The following CNTLN variants were observed in gnomAD, a reference collection of about 807,000 sequenced individuals.
CNTLN encodes centlein, also known as centlein, centrosomal protein.
In CNTLN, 212 loss-of-function variants were observed where a neutral mutation model predicts 180.0. The observed-to-expected ratio is 1.18, with a 90% confidence interval of 1.05 to 1.32. The LOEUF (loss-of-function observed/expected upper bound fraction) is 1.32. Among genes scored for constraint, CNTLN ranks in the 40% most tolerant of loss-of-function variants. The pLI is 0.00. For synonymous variants in CNTLN, 722 were observed against 563.1 expected (o/e 1.28, Z -3.99); for missense variants, 2,095 against 1,610.9 (o/e 1.30, Z -5.14).
intron 2 of CNTLN, among the ~76,000 whole-genome samples, chr9:17,216,765 G>A (rs983821446): frequency 6.6e-6 from 1 of 152,160 alleles, no homozygotes; most frequent in African/African-American, 2.4e-5. Flanking sequence ...TTACACAGCT[G>A]CTATATGGTT....
chr9:17,323,147 T>C (rs1820030978), intron 8 of CNTLN, among the ~76,000 whole-genome samples: 1 of 152,178 alleles, frequency 6.6e-6, no homozygotes, highest in South Asian at 2.1e-4. Context: ...GGATTTGCTT[T>C]TTTTTCATAT....
At chr9:17,398,706 G>C (rs977381559) in intron 15 of CNTLN, among the ~76,000 whole-genome samples, 1 of 151,928 alleles carries the variant, frequency 6.6e-6, no homozygotes. Flanking sequence ...GTTTATCATT[G>C]GTTTCTTTAA....
At chr9:17,300,912 T>G (rs963964086) in intron 7 of CNTLN, 1 of 922,918 alleles carries the variant, frequency 1.1e-6, no homozygotes, top group Non-Finnish European at 1.3e-6. Context: ...GTTATCTGCA[T>G]AGATACCATT....
chr9:17,341,021 A>C, intron 11 of CNTLN, 73 bp downstream of exon 11: 1 of 1,336,992 alleles, frequency 7.5e-7, no homozygotes, highest in Non-Finnish European at 9.8e-7. Flanking sequence ...TAGGTGTCTT[A>C]ATGGCTTTTG....
intron 3 of CNTLN, among the ~76,000 whole-genome samples, chr9:17,228,005 A>C (rs1824580935): frequency 6.6e-6 from 1 of 152,056 alleles, no homozygotes; most frequent in Non-Finnish European, 1.5e-5. Context: ...TTGTATTTAC[A>C]TTTTACTGGA....
intron 12 of CNTLN, among the ~76,000 whole-genome samples, chr9:17,366,203 G>A (rs1316690020): frequency 6.6e-6 from 1 of 152,090 alleles, no homozygotes; most frequent in East Asian, 1.9e-4. Context: ...ATAGCTTACT[G>A]TAACCTTGAA....
At chr9:17,503,981 A>T (rs2754339), downstream of CNTLN, 140,094 of 152,664 alleles carry the variant, frequency 0.92, 65,062 homozygotes, top group Non-Finnish European at 0.98. Context: ...ATGAGTGTAG[A>T]TGAATAGTAG....
At chr9:17,516,894 C>T in the CNTLN span, among the ~76,000 whole-genome samples, 1 of 152,216 alleles carries the variant, frequency 6.6e-6, no homozygotes, top group East Asian at 1.9e-4. Context: ...TATAACAGTG[C>T]CTGACACATA....
At chr9:17,493,485 C>A (rs1320151862) in intron 25 of CNTLN, among the ~76,000 whole-genome samples, 1 of 152,090 alleles carries the variant, frequency 6.6e-6, no homozygotes, top group Non-Finnish European at 1.5e-5. Flanking sequence ...AACAAAAAGT[C>A]AGTAAATTGT....
intron 18 of CNTLN, among the ~76,000 whole-genome samples, chr9:17,445,604 G>A (rs569691881): frequency 3.7e-4 from 56 of 152,268 alleles, no homozygotes; most frequent in African/African-American, 1.3e-3. Flanking sequence ...CATGCTCCTT[G>A]AGAGTCATCA....
rs758368598 is a variant in CNTLN, at chr9:17,416,179, A to G, written c.3104A>G (p.Gln1035Arg). 1.1e-5 allele frequency: 17 copies of G among 1,612,452 alleles called. No individual in the cohort carries two copies. The highest frequency in any genetic ancestry group is 1.3e-5 in the African/African-American group (1 of 74,934). ...VSDQRFQTSR[Q>R]TIKKLNLDLA... ...GATCAACGATTTCAGACAAGCAGGCAGACAATAAAGGTAAAGAGAACTTTA... is the reference window on the plus strand; with the variant it reads ...GATCAACGATTTCAGACAAGCAGGCGGACAATAAAGGTAAAGAGAACTTTA... The change falls in exon 18 of 26, where the codon CAG becomes CGG. Residue 1035 changes from glutamine (Q) to arginine (R), a missense_variant. Physicochemically the swap from Gln to Arg is conservative, Grantham distance 43. Coordinates refer to ENST00000380647, the MANE Select transcript of CNTLN (RefSeq NM_017738.4).
At chr9:17,386,665 C>T (rs1194759326) in intron 13 of CNTLN, among the ~76,000 whole-genome samples, 1 of 152,296 alleles carries the variant, frequency 6.6e-6, no homozygotes, top group East Asian at 1.9e-4. Flanking sequence ...TACAGGTGAA[C>T]ATGGTTAGCC....
At chr9:17,419,050 T>A (rs1828490869) in intron 18 of CNTLN, among the ~76,000 whole-genome samples, 1 of 152,114 alleles carries the variant, frequency 6.6e-6, no homozygotes, top group South Asian at 2.1e-4. Flanking sequence ...GGAAGAAAAT[T>A]TTAACCAAGA....
At chr9:17,271,711 C>T (rs1025579512) in intron 5 of CNTLN, among the ~76,000 whole-genome samples, 13 of 152,084 alleles carry the variant, frequency 8.5e-5, no homozygotes, top group African/African-American at 2.7e-4. Context: ...TTTTATCTTG[C>T]AACTCCACAG....
At chr9:17,204,393 G>A (rs1822768527) in intron 2 of CNTLN, among the ~76,000 whole-genome samples, 1 of 151,944 alleles carries the variant, frequency 6.6e-6, no homozygotes, top group South Asian at 2.1e-4. Flanking sequence ...TTTTGTTGAT[G>A]TTGATGTCAT....
At chr9:17,352,745 T>G (rs1445343169) in intron 12 of CNTLN, among the ~76,000 whole-genome samples, 2 of 152,146 alleles carry the variant, frequency 1.3e-5, no homozygotes, top group Non-Finnish European at 2.9e-5. Flanking sequence ...TGGCAACCGC[T>G]TATCTGCTTT....
intron 2 of CNTLN, among the ~76,000 whole-genome samples, chr9:17,178,069 A>G (rs1204816660): frequency 6.6e-6 from 1 of 151,356 alleles, no homozygotes; most frequent in Non-Finnish European, 1.5e-5. Flanking sequence ...CAGGGTGCTG[A>G]TTGGTGTGTT....
intron 2 of CNTLN, among the ~76,000 whole-genome samples, chr9:17,188,739 G>T (rs1821594576): frequency 6.6e-6 from 1 of 151,894 alleles, no homozygotes; most frequent in Non-Finnish European, 1.5e-5. Flanking sequence ...ACATCTAGAG[G>T]TTCCATTAAA....
chr9:17,428,787 G>A (rs189922043), intron 18 of CNTLN, among the ~76,000 whole-genome samples: 1 of 151,964 alleles, frequency 6.6e-6, no homozygotes, highest in Non-Finnish European at 1.5e-5. Flanking sequence ...TCAAATAAAT[G>A]CATTCTCAAG....
Sources: allele counts gnomAD v4.1 joint callset (sites outside exome capture counted in the v4.1 genomes callset), GRCh38; gene constraint gnomAD v4.1.1; transcripts MANE v1.5; gene names NCBI Gene and HGNC (gene_info 2026-07-23, HGNC 2026-07-21).